CAMTA1: variants seen among roughly 807,000 people sequenced by gnomAD.
CAMTA1 encodes calmodulin binding transcription activator 1, also known as calmodulin-binding transcription activator 1.
A neutral mutation model predicts 170.9 loss-of-function variants in CAMTA1; 27 were observed. The ratio of observed to expected loss-of-function variants is 0.16; its 90% CI spans 0.12 to 0.22. The LOEUF is 0.22. Ranked by LOEUF, CAMTA1 falls within the 10% of genes least tolerant of loss-of-function variation. The probability of loss-of-function intolerance (pLI) is 1.00; values close to 1 mark genes in which losing one functional copy is unlikely to be tolerated. For synonymous variants in CAMTA1, 833 were observed against 891.5 expected, an observed-to-expected ratio of 0.93 and a Z score of 1.17; for missense variants, 1,619 against 2,217.2, an observed-to-expected ratio of 0.73 and a Z score of 5.42.
rs150423855 is a variant in CAMTA1, at chr1:7,477,848, G to A, written c.510+9947G>A. 2.3e-3 allele frequency among the ~76,000 whole-genome samples: 343 copies of A among 152,242 alleles called. 3 individuals carry two copies. The Middle Eastern group carries it at 0.031, about 14-fold the overall frequency. On this transcript the variant is annotated intron_variant, in intron 6 of 22. Transcript: ENST00000303635. ...GGGAGGGGCACCCTCTGCTCCCGCC[G>A]TGTGGACGAGTGGGTACTGAGTACA...
At chr1:6,903,416 TA>T (rs1404519526) in intron 3 of CAMTA1, among the ~76,000 whole-genome samples, 4 of 152,272 alleles carry the variant, frequency 2.6e-5, no homozygotes, top group African/African-American at 9.6e-5. Flanking sequence ...AAAATATATT[TA>T]AAACCCACTT....
intron 6 of CAMTA1, among the ~76,000 whole-genome samples, chr1:7,469,034 C>G (rs1391995128): frequency 6.6e-6 from 1 of 152,232 alleles, no homozygotes; most frequent in Non-Finnish European, 1.5e-5. Context: ...TCCATCGGCT[C>G]TGCCCAGCCC....
rs114198146 is a variant in CAMTA1 at position 6,858,072 on chromosome 1, G to A, written c.234+32862G>A. ...ATTAATGATTCAGGATCCCAGGAAT[G>A]GGAAGGAATGAGGAGTGGGATACTG... On this transcript the variant is annotated intron_variant, in intron 3 of 22. Coordinates refer to ENST00000303635, the MANE Select transcript of CAMTA1 (RefSeq NM_015215.4). Among the ~76,000 whole-genome samples the A allele has an allele frequency of 4.5e-3, 684 of 152,320 alleles. 8 individuals carry two copies. The highest frequency in any genetic ancestry group is 0.016 in the African/African-American group (668 of 41,572).
intron 5 of CAMTA1, among the ~76,000 whole-genome samples, chr1:7,346,874 C>A (rs1189031938): frequency 6.6e-6 from 1 of 152,174 alleles, no homozygotes; most frequent in Non-Finnish European, 1.5e-5. Context: ...TGGGTGCCCT[C>A]AGGGGCCAGG....
At chr1:7,270,870 A>T (rs942506350) in intron 5 of CAMTA1, among the ~76,000 whole-genome samples, 2 of 152,224 alleles carry the variant, frequency 1.3e-5, no homozygotes, top group African/African-American at 4.8e-5. Context: ...TTGGTTTAAA[A>T]ACACTTTCTT....
intron 3 of CAMTA1, among the ~76,000 whole-genome samples, chr1:7,036,338 T>C (rs1423965923): frequency 6.6e-6 from 1 of 152,202 alleles, no homozygotes; most frequent in Non-Finnish European, 1.5e-5. Flanking sequence ...GAACACATGA[T>C]GGATTCTCAG....
intron 5 of CAMTA1, among the ~76,000 whole-genome samples, chr1:7,375,699 A>G (rs1423226080): frequency 6.6e-6 from 1 of 152,208 alleles, no homozygotes; most frequent in Non-Finnish European, 1.5e-5. Context: ...AGGCTGGAGG[A>G]TGGCAGTAAA....
At chr1:7,081,891 CT>C (rs1310815031) in intron 3 of CAMTA1, among the ~76,000 whole-genome samples, 1 of 152,260 alleles carries the variant, frequency 6.6e-6, no homozygotes, top group Non-Finnish European at 1.5e-5. Flanking sequence ...GCAGGCACAT[CT>C]CTGGGTGGAG....
At chr1:7,091,054 T>C (rs879520014) in intron 3 of CAMTA1, among the ~76,000 whole-genome samples, 21 of 152,190 alleles carry the variant, frequency 1.4e-4, no homozygotes, top group Admixed American at 1.1e-3. Flanking sequence ...CACAGAGAAA[T>C]ATTTTTGTCC....
intron 3 of CAMTA1, among the ~76,000 whole-genome samples, chr1:6,902,079 A>AAAAAAAAAAAT (rs796874602): frequency 4.0e-5 from 3 of 75,186 alleles, no homozygotes; most frequent in African/African-American, 1.1e-4. Context: ...ACACAAAAAA[A>AAAAAAAAAAAT]AAAATAAAAA....
chr1:6,991,982 G>A lies in CAMTA1; in HGVS notation c.235-99322G>A, dbSNP rs549326431. On this transcript the variant is annotated intron_variant, in intron 3 of 22. Transcript: ENST00000303635. ...CTCCCAAAGTGCTGGGATTACAGGCGTGAGCCACTGTGCCCGGCTTTTGTT... is the reference window on the plus strand; with the variant it reads ...CTCCCAAAGTGCTGGGATTACAGGCATGAGCCACTGTGCCCGGCTTTTGTT... Among the ~76,000 whole-genome samples the A allele has an allele frequency of 1.6e-3, 243 of 149,916 alleles. 5 individuals carry two copies. In the South Asian group the frequency reaches 0.029, roughly 18 times the overall value.
At chr1:7,382,529 G>T (rs555004484) in intron 5 of CAMTA1, 1 of 152,248 alleles carries the variant, frequency 6.6e-6, no homozygotes, top group Non-Finnish European at 1.5e-5. Context: ...TACTAGCTAT[G>T]GGGAATTGGC....
chr1:7,712,787 C>T (rs2096580681), intron 11 of CAMTA1, among the ~76,000 whole-genome samples: 2 of 152,150 alleles, frequency 1.3e-5, no homozygotes, highest in Admixed American at 1.3e-4. Flanking sequence ...GGACTCAGTT[C>T]CACATAGCTG....
intron 3 of CAMTA1, among the ~76,000 whole-genome samples, chr1:6,943,190 C>A (rs1261106477): frequency 6.6e-6 from 1 of 151,814 alleles, no homozygotes; most frequent in South Asian, 2.1e-4. Flanking sequence ...TCCCCTCCGT[C>A]CTTCCTCCCC....
At chr1:7,765,853 T>C (rs913452000) in intron 22 of CAMTA1, among the ~76,000 whole-genome samples, 1 of 151,984 alleles carries the variant, frequency 6.6e-6, no homozygotes. Flanking sequence ...GGTGAAACCC[T>C]GTCTCTACTA....
At chr1:6,980,119 C>T (rs193034649) in intron 3 of CAMTA1, among the ~76,000 whole-genome samples, 2 of 152,296 alleles carry the variant, frequency 1.3e-5, no homozygotes, top group East Asian at 3.9e-4. Context: ...TACTGACAGC[C>T]CCTCCAGGAG....
chr1:7,632,153 G>A (rs1163928707), intron 6 of CAMTA1, among the ~76,000 whole-genome samples: 1 of 152,218 alleles, frequency 6.6e-6, no homozygotes, highest in Non-Finnish European at 1.5e-5. Flanking sequence ...AGGGAAGGCT[G>A]TGCCTCTGAT....
chr1:6,926,444 CTTTCTTTCTTTCTTTCTTTCTT>C (rs1248778403), intron 3 of CAMTA1, among the ~76,000 whole-genome samples: 3 of 51,870 alleles, frequency 5.8e-5, no homozygotes, highest in African/African-American at 3.3e-4. Context: ...TTTTCTCTTT[CTTTCTTTCTTTCTTTCTTTCTT>C]TCTTTCTTTC....
At chr1:6,837,933 T>C (rs1392597975) in intron 3 of CAMTA1, among the ~76,000 whole-genome samples, 4 of 152,234 alleles carry the variant, frequency 2.6e-5, no homozygotes, top group African/African-American at 9.6e-5. Context: ...TCATCTAATA[T>C]ACTGTGTAAA....
Sources: gnomAD v4.1 joint callset for allele counts (sites outside exome capture counted in the v4.1 genomes callset) on GRCh38, gnomAD v4.1.1 for gene constraint, MANE v1.5 for transcripts, NCBI Gene and HGNC (gene_info 2026-07-23, HGNC 2026-07-21) for gene names.